Variants in GTF2I observed in about 807,000 individuals in gnomAD.
GTF2I encodes the protein general transcription factor II-I.
GTF2I carries 12 observed loss-of-function variants against 67.6 expected under a neutral mutation model. The observed-to-expected ratio is 0.18, with a 90% CI of 0.11 to 0.29. The LOEUF (loss-of-function observed/expected upper bound fraction) is 0.29, where lower values mean the gene tolerates loss of function less well. Ranked by LOEUF, GTF2I falls within the 10% of genes least tolerant of loss-of-function variation. The pLI is 1.00. For synonymous variants in GTF2I, 149 were observed against 197.0 expected (o/e 0.76, Z 2.04); for missense variants, 271 against 580.1 (o/e 0.47, Z 5.47).
chr7:74,738,183 A>AG, intron 19 of GTF2I, 80 bp downstream of exon 19: 1 of 182,748 alleles, frequency 5.5e-6, no homozygotes, highest in South Asian at 2.6e-5. Flanking sequence ...CCAGCACTTT[A>AG]GGAGGCTGAG....
intron 9 of GTF2I, 51 bp from the exon 10 acceptor site, chr7:74,714,806 A>C (rs782137469): frequency 1.6e-6 from 2 of 1,262,832 alleles, no homozygotes; most frequent in Non-Finnish European, 2.2e-6. Flanking sequence ...GTCACCCCAC[A>C]TTTTTTTTTG....
chr7:74,719,073 G>A, intron 12 of GTF2I, 132 bp downstream of exon 12: 1 of 527,834 alleles, frequency 1.9e-6, no homozygotes, highest in Non-Finnish European at 3.3e-6. Flanking sequence ...GTGTCTGTGT[G>A]GCCAAAGCAG....
At chr7:74,682,721 A>G (rs1787372032) in intron 1 of GTF2I, among the ~76,000 whole-genome samples, 1 of 152,210 alleles carries the variant, frequency 6.6e-6, no homozygotes, top group African/African-American at 2.4e-5. Flanking sequence ...AACCACTGGG[A>G]ACAACAGAAA....
At chr7:74,752,794 A>G (rs1469347144) in intron 28 of GTF2I, among the ~76,000 whole-genome samples, 1 of 129,510 alleles carries the variant, frequency 7.7e-6, no homozygotes, top group African/African-American at 2.8e-5. Flanking sequence ...ATTTTTAGTT[A>G]GGCATTATTT....
intron 1 of GTF2I, among the ~76,000 whole-genome samples, chr7:74,662,358 G>A (rs1804581677): frequency 6.6e-6 from 1 of 151,064 alleles, no homozygotes; most frequent in Admixed American, 6.6e-5. Context: ...TCATAGGCAT[G>A]CGCCACCATG....
At chr7:74,733,071 A>T (rs1382101038) in intron 15 of GTF2I, among the ~76,000 whole-genome samples, 1 of 138,612 alleles carries the variant, frequency 7.2e-6, no homozygotes, top group Non-Finnish European at 1.6e-5. Context: ...GGTTCAAGCG[A>T]TTCTCATGCC....
chr7:74,689,348 CTTTTT>C (rs1162860651), intron 2 of GTF2I, 121 bp downstream of exon 2: 262 of 144,970 alleles, frequency 1.8e-3, no homozygotes, highest in South Asian at 3.4e-3. Flanking sequence ...TTTTTCTTTA[CTTTTT>C]TTTTTTTTTT....
At chr7:74,671,487 T>C (rs587746786) in intron 1 of GTF2I, among the ~76,000 whole-genome samples, 78 of 152,126 alleles carry the variant, frequency 5.1e-4, no homozygotes, top group African/African-American at 1.8e-3. Context: ...TTTTTTTTTT[T>C]CTTTAATGGG....
chr7:74,726,623 C>G (rs1443027521), intron 12 of GTF2I: 1 of 152,262 alleles, frequency 6.6e-6, no homozygotes, highest in Non-Finnish European at 1.5e-5. Context: ...GCAGAAGGAT[C>G]ACTTGAGGCC....
chr7:74,719,690 T>C (rs1329349546), intron 12 of GTF2I, among the ~76,000 whole-genome samples: 15 of 152,124 alleles, frequency 9.9e-5, no homozygotes, highest in African/African-American at 3.4e-4. Context: ...GAGGCCAAGG[T>C]AGGCAGATCA....
At chr7:74,732,440 G>A in intron 14 of GTF2I, 39 bp from the exon 15 acceptor site, 6 of 1,442,660 alleles carry the variant, frequency 4.2e-6, no homozygotes, top group African/African-American at 1.4e-5. Context: ...TCTACAAATT[G>A]TGTTTAAATG....
intron 1 of GTF2I, among the ~76,000 whole-genome samples, chr7:74,668,849 T>C (rs1214236473): frequency 1.3e-5 from 2 of 151,980 alleles, no homozygotes; most frequent in African/African-American, 4.8e-5. Context: ...TGAAATTACA[T>C]ATGTGAGCCA....
intron 1 of GTF2I, among the ~76,000 whole-genome samples, chr7:74,663,412 A>T (rs981233578): frequency 2.6e-5 from 4 of 152,190 alleles, no homozygotes; most frequent in Non-Finnish European, 4.4e-5. Flanking sequence ...TAGCCTCACG[A>T]GTAGCTGGGA....
rs1473160470 is a variant in GTF2I, at chr7:74,668,413, AAG to A, written c.-6+10348_-6+10349del. Among the ~76,000 whole-genome samples the A allele has an allele frequency of 5.3e-5, 8 of 151,626 alleles. No individual in the cohort carries two copies. The East Asian group carries it at 1.5e-3, about 29-fold the overall frequency. The stretch of plus-strand genomic sequence containing the variant: ...GTACTTGGAGAAGTGGAGCATGATG[AAG>A]AGTTTGATCCATAATATAACTGGTT... On this transcript the variant is annotated intron_variant, in intron 1 of 34. Coordinates refer to ENST00000573035, the MANE Select transcript of GTF2I (RefSeq NM_032999.4).
chr7:74,680,830 A>C (rs1787212952), intron 1 of GTF2I, among the ~76,000 whole-genome samples: 1 of 152,202 alleles, frequency 6.6e-6, no homozygotes, highest in Non-Finnish European at 1.5e-5. Context: ...CAAAAAGAAA[A>C]TTTTATGGAA....
chr7:74,725,185 C>T (rs1389909438), intron 12 of GTF2I, among the ~76,000 whole-genome samples: 4 of 151,962 alleles, frequency 2.6e-5, no homozygotes, highest in African/African-American at 7.3e-5. Flanking sequence ...GATTTTAGGT[C>T]GAGAAACCCA....
intron 12 of GTF2I, among the ~76,000 whole-genome samples, chr7:74,721,576 T>C (rs930795704): frequency 2.6e-5 from 4 of 151,830 alleles, no homozygotes; most frequent in Admixed American, 6.6e-5. Context: ...AGAAATTACA[T>C]CAACAATTAA....
intron 3 of GTF2I, among the ~76,000 whole-genome samples, chr7:74,698,020 A>G (rs1306841198): frequency 6.6e-6 from 1 of 151,718 alleles, no homozygotes; most frequent in African/African-American, 2.4e-5. Context: ...CAGTGGCGCA[A>G]TTTCCGCTCG....
intron 1 of GTF2I, chr7:74,688,892 G>A: frequency 4.5e-6 from 2 of 442,560 alleles, no homozygotes; most frequent in Admixed American, 7.7e-5. Flanking sequence ...TTTATTTGGG[G>A]TGTGATATTG....
Sources: gnomAD v4.1 joint callset for allele counts (sites outside exome capture counted in the v4.1 genomes callset) on GRCh38, gnomAD v4.1.1 for gene constraint, MANE v1.5 for transcripts, NCBI Gene and HGNC (gene_info 2026-07-23, HGNC 2026-07-21) for gene names.